The following PCDHAC1 variants were observed in gnomAD, a reference collection of about 807,000 sequenced individuals.
PCDHAC1 encodes protocadherin alpha subfamily C, 1.
Under a neutral mutation model 60.0 loss-of-function variants are expected in PCDHAC1, and 42 were observed. The observed-to-expected ratio is 0.70, with a 90% CI of 0.55 to 0.90. PCDHAC1 has a LOEUF of 0.90. PCDHAC1 is among the 40% of genes least tolerant of loss of function. The pLI is 0.00. For synonymous variants in PCDHAC1, 468 were observed against 499.3 expected (o/e 0.94, Z 0.84); for missense variants, 1,160 against 1,222.3 (o/e 0.95, Z 0.76).
intron 3 of PCDHAC1, among the ~76,000 whole-genome samples, chr5:140,985,765 A>G (rs2097169846): frequency 7.8e-6 from 1 of 128,516 alleles, no homozygotes; most frequent in African/African-American, 3.0e-5. Flanking sequence ...TTTTTGAGAC[A>G]GTCTCGCTCT....
Position 140,991,900 on chromosome 5 carries a change from ATCCC to A in PCDHAC1, c.2581+9339_2581+9342del, listed in dbSNP as rs576684602. Reference sequence around the variant, plus strand: ...GGCTGCCATAACAAATTAACACAAAATCCCTTTTGCCATGTAACATAACATATTC... The same window carrying A: ...GGCTGCCATAACAAATTAACACAAAATTTTGCCATGTAACATAACATATTC... On this transcript the variant is annotated intron_variant, in intron 3 of 3. Coordinates refer to ENST00000253807, the MANE Select transcript of PCDHAC1 (RefSeq NM_018898.5). Among the ~76,000 whole-genome samples, 390 of 152,250 alleles carry A rather than the reference ATCCC, an allele frequency of 2.6e-3. 2 individuals carry two copies. The highest frequency in any genetic ancestry group is 4.8e-3 in the South Asian group (23 of 4,818).
At chr5:140,997,563 A>G (rs891862395) in intron 3 of PCDHAC1, among the ~76,000 whole-genome samples, 7 of 152,202 alleles carry the variant, frequency 4.6e-5, no homozygotes, top group Non-Finnish European at 8.8e-5. Context: ...GACAACTGTC[A>G]TATGTGTGGT....
intron 1 of PCDHAC1, among the ~76,000 whole-genome samples, chr5:140,949,557 T>C (rs955949496): frequency 6.6e-6 from 1 of 151,888 alleles, no homozygotes; most frequent in Non-Finnish European, 1.5e-5. Flanking sequence ...CTGGTCATAC[T>C]TTTTTTCTTG....
chr5:141,001,387 C>T (rs1282982040), intron 3 of PCDHAC1, among the ~76,000 whole-genome samples: 3 of 152,188 alleles, frequency 2.0e-5, no homozygotes, highest in African/African-American at 7.2e-5. Context: ...GCCTAAGATC[C>T]TACAGAGAAC....
In PCDHAC1 at chr5:140,947,454, C is replaced by G. The variant is rs138457341; in HGVS notation, c.2433+18129C>G. 3.0e-4 allele frequency among the ~76,000 whole-genome samples: 45 copies of G among 151,700 alleles called. No individual in the cohort carries two copies. In the East Asian group the frequency reaches 8.3e-3, roughly 28 times the overall value. On this transcript the variant is annotated intron_variant, in intron 1 of 3. Coordinates refer to ENST00000253807, the MANE Select transcript of PCDHAC1 (RefSeq NM_018898.5). ...AAAATCAGCTGTGAAATCCTCCAACCTTGTTCTACTTGTAAACATTGTTTT... is the reference window on the plus strand; with the variant it reads ...AAAATCAGCTGTGAAATCCTCCAACGTTGTTCTACTTGTAAACATTGTTTT...
chr5:140,967,471 A>G (rs2096144842), intron 1 of PCDHAC1: 3 of 1,613,466 alleles, frequency 1.9e-6, no homozygotes, highest in Middle Eastern at 1.7e-4. Context: ...GGGGCATCCC[A>G]GCCCGCTCGG....
intron 1 of PCDHAC1, chr5:140,966,674 G>A: frequency 7.7e-7 from 1 of 1,295,168 alleles, no homozygotes; most frequent in Non-Finnish European, 1.0e-6. Flanking sequence ...GGCGCAGGGT[G>A]GCACGAGCGG....
intron 3 of PCDHAC1, among the ~76,000 whole-genome samples, chr5:140,997,912 A>T (rs2097790316): frequency 1.3e-5 from 2 of 152,224 alleles, no homozygotes. Context: ...GTAGAATTAC[A>T]GAATCATAGG....
intron 1 of PCDHAC1, among the ~76,000 whole-genome samples, chr5:140,939,940 C>G (rs1438905083): frequency 6.6e-6 from 1 of 152,140 alleles, no homozygotes; most frequent in Non-Finnish European, 1.5e-5. Context: ...TTATCAGTTA[C>G]TGAGAAAATT....
At chr5:141,009,551 C>G (rs551736337) in intron 3 of PCDHAC1, 76 bp from the exon 4 acceptor site, 1 of 1,561,992 alleles carries the variant, frequency 6.4e-7, no homozygotes, top group East Asian at 2.2e-5. Flanking sequence ...ATGCAGTACT[C>G]CTGTACTCTA....
At chr5:140,967,146 A>G (rs782158011) in intron 1 of PCDHAC1, 2 of 1,610,972 alleles carry the variant, frequency 1.2e-6, no homozygotes, top group South Asian at 1.1e-5. Flanking sequence ...CTGGCGCACA[A>G]CCCCGTGGCG....
chr5:140,955,036 T>C (rs2095128891), intron 1 of PCDHAC1, among the ~76,000 whole-genome samples: 1 of 152,210 alleles, frequency 6.6e-6, no homozygotes, highest in Non-Finnish European at 1.5e-5. Context: ...AGGGAATCTT[T>C]TCCTCATTGC....
chr5:140,927,946 G>T lies in PCDHAC1; in HGVS notation c.1054G>T (p.Asp352Tyr), dbSNP rs1341193072. 6.2e-7 allele frequency: 1 copy of T among 1,614,096 alleles called. No individual in the cohort carries two copies. Among genetic ancestry groups the T allele is most frequent in the African/African-American group, 1.3e-5 (1 of 74,926 alleles). ...GACTCTTTCGAACCCAGTACCTGAG[G>T]ACGCTGCCCCTGGCACAGTGATTGC... is the stretch of plus-strand genomic sequence containing the variant. ...FLTLSNPVPE[D>Y]AAPGTVIALF... Residue 352 changes from aspartate (D) to tyrosine (Y), a missense_variant, in exon 1 of 4, where the codon GAC becomes TAC. This residue lies in a region of PCDHAC1 where 1,113 missense variants were observed against 1,163.7 expected (regional missense o/e 0.96). Coordinates refer to ENST00000253807, the MANE Select transcript of PCDHAC1 (RefSeq NM_018898.5).
rs560557725 is a variant in PCDHAC1, at chr5:141,005,418, G to T, written c.2582-4209G>T. Among the ~76,000 whole-genome samples, 149 of 152,250 alleles carry T rather than the reference G, an allele frequency of 9.8e-4. 1 individual carries two copies. The highest frequency in any genetic ancestry group is 3.5e-3 in the African/African-American group (145 of 41,544). On this transcript the variant is annotated intron_variant, in intron 3 of 3. Transcript: ENST00000253807. ...ACAGACTTGAAGAGTGAGGAGTCAT[G>T]CTAAGAATGGATGAGAGGCTCACGC...
In PCDHAC1 at chr5:141,002,410, T is replaced by C. The variant is rs1034024595; in HGVS notation, c.2582-7217T>C. 2.2e-4 allele frequency among the ~76,000 whole-genome samples: 33 copies of C among 152,326 alleles called. 1 individual carries two copies. The highest frequency in any genetic ancestry group is 7.5e-4 in the African/African-American group (31 of 41,578). On this transcript the variant is annotated intron_variant, in intron 3 of 3. Coordinates refer to ENST00000253807, the MANE Select transcript of PCDHAC1 (RefSeq NM_018898.5). The stretch of plus-strand genomic sequence containing the variant: ...TGCTGGCATCTCTGTGCCTCCCAAA[T>C]AGTAGTAACAAAACAGGCAATAACC...
intron 1 of PCDHAC1, among the ~76,000 whole-genome samples, chr5:140,961,519 A>G (rs246002): frequency 0.56 from 85,694 of 152,068 alleles, 24,757 homozygotes; most frequent in African/African-American, 0.69. Flanking sequence ...ATGTCTCCAC[A>G]AATTCTAGAT....
intron 1 of PCDHAC1, among the ~76,000 whole-genome samples, chr5:140,937,127 T>TC: frequency 6.7e-6 from 1 of 149,014 alleles, no homozygotes. Context: ...AAGCTCCGCC[T>TC]CCCGGGTTCA....
At chr5:141,001,624 CG>C (rs1335079944) in intron 3 of PCDHAC1, among the ~76,000 whole-genome samples, 1 of 151,678 alleles carries the variant, frequency 6.6e-6, no homozygotes, top group African/African-American at 2.4e-5. Context: ...AAAGGACTGG[CG>C]GGGGTTGGGG....
At chr5:140,997,466 T>G (rs2097771241) in intron 3 of PCDHAC1, among the ~76,000 whole-genome samples, 2 of 152,186 alleles carry the variant, frequency 1.3e-5, no homozygotes, top group Admixed American at 1.3e-4. Context: ...CTGTAGGCAA[T>G]TTTTACACAA....
Sources: allele counts gnomAD v4.1 joint callset (sites outside exome capture counted in the v4.1 genomes callset), GRCh38; gene constraint gnomAD v4.1.1; regional missense constraint gnomAD v4.1.1; transcripts MANE v1.5; gene names NCBI Gene and HGNC (gene_info 2026-07-23, HGNC 2026-07-21).